The following FETUB variants were observed in gnomAD, a reference collection of about 807,000 sequenced individuals.
FETUB encodes fetuin B.
In FETUB, 28 loss-of-function variants were observed where a neutral mutation model predicts 30.9. That is an observed-to-expected ratio of 0.90 (90% CI 0.67 to 1.24). FETUB has a LOEUF of 1.24. Among genes scored for constraint, FETUB ranks in the 50% most tolerant of loss-of-function variants. The probability of loss-of-function intolerance (pLI) is 0.00; values close to 1 mark genes in which losing one functional copy is unlikely to be tolerated. For synonymous variants in FETUB, 186 were observed against 175.9 expected (o/e 1.06, Z -0.45); for missense variants, 469 against 455.3 (o/e 1.03, Z -0.27).
At chr3:186,651,544 T>C in intron 6 of FETUB, 1 of 498,934 alleles carries the variant, frequency 2.0e-6, no homozygotes, top group Non-Finnish European at 3.6e-6. Context: ...CTGGCTTGGA[T>C]GTGATTCAAG....
Position 186,640,678 on chromosome 3 carries a change from A to G in FETUB, c.218A>G (p.Tyr73Cys). 6.2e-7 allele frequency: 1 copy of G among 1,613,576 alleles called. No homozygotes were observed. The highest frequency in any genetic ancestry group is 8.5e-7 in the Non-Finnish European group (1 of 1,179,490). The change falls in exon 1 of 7, where the codon TAC (tyrosine) becomes TGC (cysteine). Residue 73 changes from tyrosine to cysteine, a missense_variant. Coordinates refer to ENST00000265029, the MANE Select transcript of FETUB (RefSeq NM_014375.3). ...RLNRVNDAQE[Y>C]RRGGLGSLFY... ...AACCGAGTGAACGACGCCCAGGAAT[A>G]CAGACGGGCAAGTAGGGACAGTTCC...
At chr3:186,651,352 G>C in intron 6 of FETUB, 51 bp downstream of exon 6, 1 of 1,177,272 alleles carries the variant, frequency 8.5e-7, no homozygotes. Context: ...GCAGATTATC[G>C]ATAGTTACCT....
chr3:186,649,840 T>G (rs1270863885), intron 5 of FETUB, among the ~76,000 whole-genome samples: 2 of 152,240 alleles, frequency 1.3e-5, no homozygotes, highest in Admixed American at 1.3e-4. Flanking sequence ...CTCCACTTTG[T>G]GTCCATGTAT....
rs768301989 is a variant in FETUB, at chr3:186,652,383, A to G, written c.901A>G (p.Arg301Gly). 6.3e-7 allele frequency: 1 copy of G among 1,596,078 alleles called. No homozygotes were observed. Among genetic ancestry groups the G allele is most frequent in the Admixed American group, 1.7e-5 (1 of 59,498 alleles). ...AGACTCCCCCTCCAAAGCTGGGCCA[A>G]GAGGATCTGTCCAATATCTTCCTGA... Reference protein sequence around the residue: ...PTDSPSKAGPRGSVQYLPDLD... With the variant: ...PTDSPSKAGPGGSVQYLPDLD... The change falls in exon 7 of 7, where the codon AGA (arginine) becomes GGA (glycine). Residue 301 changes from arginine to glycine, a missense_variant. By Grantham distance (125) the Arg-to-Gly change is moderately radical. Transcript: ENST00000265029.
In FETUB at chr3:186,640,576, C is replaced by G; in HGVS notation, c.116C>G (p.Ser39Ter). 1 of 1,613,222 alleles carries G rather than the reference C, an allele frequency of 6.2e-7. No individual in the cohort carries two copies. Among genetic ancestry groups the G allele is most frequent in the South Asian group, 1.1e-5 (1 of 91,090 alleles). ...SALLSRGCND[S>*]DVLAVAGFAL... ...CTGCTCTCCCGGGGCTGCAATGACT[C>G]AGATGTGCTGGCAGTTGCAGGCTTT... Residue 39 changes from serine (S) to a stop codon, truncating the protein, a stop_gained, in exon 1 of 7, where the codon TCA becomes TGA. Coordinates refer to ENST00000265029, the MANE Select transcript of FETUB (RefSeq NM_014375.3). LOFTEE classifies it high-confidence loss of function.
chr3:186,646,202 G>C (rs756192361), intron 4 of FETUB, 46 bp from the exon 5 acceptor site: 1 of 1,409,166 alleles, frequency 7.1e-7, no homozygotes, highest in Admixed American at 1.7e-5. Context: ...CTTTTCCCTA[G>C]GCAGAAATGT....
chr3:186,649,316 G>C (rs11919247), intron 5 of FETUB, among the ~76,000 whole-genome samples: 3,679 of 152,122 alleles, frequency 0.024, 149 homozygotes, highest in African/African-American at 0.084. Context: ...TAATATTTAG[G>C]CAATCTGTTT....
Position 186,652,569 on chromosome 3 carries a change from G to A in FETUB, c.1087G>A (p.Ala363Thr). ...GGTCCTGCCTTTCCCCAAAGAAAAA[G>A]CACGCACTGCTGAGTGCCCAGGGCC... ...LVVLPFPKEK[A>T]RTAECPGPAQ... Residue 363 changes from alanine to threonine, a missense_variant, in exon 7 of 7, where the codon GCA (alanine) becomes ACA (threonine). Ala to Thr is a moderately conservative substitution (Grantham distance 58, BLOSUM62 0). Transcript: ENST00000265029. The A allele has an allele frequency of 6.2e-7, 1 of 1,613,830 alleles. No homozygotes were observed. Among genetic ancestry groups the A allele is most frequent in the Non-Finnish European group, 8.5e-7 (1 of 1,179,980 alleles).
intron 3 of FETUB, 95 bp from the exon 4 acceptor site, chr3:186,644,656 G>A (rs1306969748): frequency 1.1e-6 from 1 of 874,906 alleles, no homozygotes; most frequent in Non-Finnish European, 1.8e-6. Context: ...GTATATTCCA[G>A]AGGTAACTTC....
rs994420859 is a variant in FETUB, at chr3:186,651,373, T to A, written c.780+72T>A. 4 of 986,940 alleles carry A rather than the reference T, an allele frequency of 4.1e-6. No individual in the cohort carries two copies. In the Admixed American group the frequency reaches 7.7e-5, roughly 19 times the overall value. 61.1% of individuals were successfully genotyped at this position (986,940 alleles called of 1,614,324 possible). On this transcript the variant is annotated intron_variant, in intron 6 of 6. Coordinates refer to ENST00000265029, the MANE Select transcript of FETUB (RefSeq NM_014375.3). The stretch of plus-strand genomic sequence containing the variant: ...TATCGATAGTTACCTGCCACTACCT[T>A]ACCCCCTCCTTTGATTTTCCCAACC...
At chr3:186,640,287 G>C (rs1182404764), upstream of FETUB, 7 of 623,286 alleles carry the variant, frequency 1.1e-5, no homozygotes, top group African/African-American at 1.1e-4. Context: ...GAATCATTGG[G>C]AAATGCTATC....
In FETUB at chr3:186,640,504, G is replaced by A. The variant is rs764614441; in HGVS notation, c.44G>A (p.Cys15Tyr). Residue 15 changes from cysteine to tyrosine, a missense_variant, in exon 1 of 7, where the codon TGC becomes TAC. Physicochemically the swap from Cys to Tyr is radical, Grantham distance 194 (BLOSUM62 -2). Transcript: ENST00000265029. Reference sequence around the variant, plus strand: ...CTGGCACTCTGCATCCTAGTCCTGTGCTGCGGAGCAATGTCTCCACCCCAG... The same window carrying A: ...CTGGCACTCTGCATCCTAGTCCTGTACTGCGGAGCAATGTCTCCACCCCAG... The part of the protein sequence containing the change: ...LPLALCILVL[C>Y]CGAMSPPQLA... 2.5e-6 allele frequency: 4 copies of A among 1,614,138 alleles called. No individual in the cohort carries two copies. In the East Asian group the frequency reaches 8.9e-5, roughly 36 times the overall value.
chr3:186,636,190 T>C (rs1318465439), upstream of FETUB: 1 of 152,274 alleles, frequency 6.6e-6, no homozygotes, highest in Non-Finnish European at 1.5e-5. Flanking sequence ...GGACTGCGCC[T>C]ACAGCATCCT....
intron 4 of FETUB, 112 bp downstream of exon 4, chr3:186,645,032 A>G: frequency 2.7e-6 from 2 of 753,682 alleles, no homozygotes; most frequent in Non-Finnish European, 4.2e-6. Context: ...GAACCAAAAT[A>G]CCTTTCTCTA....
chr3:186,652,475 C>T lies in FETUB; in HGVS notation c.993C>T (p.Thr331=). ...CCTTTCCTGTGCATCTGGACCTAAC[C>T]ACGAATCCCCAGGGAGAAACCCTGG... The part of the protein sequence containing the change: ...QEAFPVHLDL[T]TNPQGETLDI... Residue 331 remains threonine, a synonymous_variant, in exon 7 of 7, where the codon ACC becomes ACT. Transcript: ENST00000265029. 2 of 1,614,134 alleles carry T rather than the reference C, an allele frequency of 1.2e-6. No individual in the cohort carries two copies. Among genetic ancestry groups the T allele is most frequent in the Non-Finnish European group, 1.7e-6 (2 of 1,180,022 alleles).
intron 5 of FETUB, among the ~76,000 whole-genome samples, chr3:186,649,173 C>T (rs1334439655): frequency 6.6e-6 from 1 of 152,180 alleles, no homozygotes; most frequent in Non-Finnish European, 1.5e-5. Flanking sequence ...AGCCCCTCCT[C>T]TTTGTGACTT....
chr3:186,639,192 A>G (rs1204185766), upstream of FETUB, among the ~76,000 whole-genome samples: 1 of 152,228 alleles, frequency 6.6e-6, no homozygotes, highest in Non-Finnish European at 1.5e-5. Context: ...GGAAGGCATC[A>G]CACAGGTGAA....
chr3:186,650,173 G>A (rs1411074421), intron 5 of FETUB, among the ~76,000 whole-genome samples: 7 of 42,716 alleles, frequency 1.6e-4, no homozygotes, highest in East Asian at 1.1e-3. Flanking sequence ...GCGGGGGTGG[G>A]GGGGGGGGGT....
chr3:186,645,962 T>C (rs922550981), intron 4 of FETUB, among the ~76,000 whole-genome samples: 1 of 149,664 alleles, frequency 6.7e-6, no homozygotes, highest in Non-Finnish European at 1.5e-5. Flanking sequence ...CCTGACCTCG[T>C]GATCCGCCCG....
Sources: gnomAD v4.1 joint callset for allele counts (sites outside exome capture counted in the v4.1 genomes callset) on GRCh38, gnomAD v4.1.1 for gene constraint, MANE v1.5 for transcripts, NCBI Gene and HGNC (gene_info 2026-07-23, HGNC 2026-07-21) for gene names.